Variants in AP2A2 observed in about 807,000 individuals in gnomAD.
The protein encoded by AP2A2 is adaptor related protein complex 2 subunit alpha 2.
Under a neutral mutation model 104.2 loss-of-function variants are expected in AP2A2, and 32 were observed. The observed-to-expected ratio is 0.31, with a 90% CI of 0.23 to 0.41. AP2A2 has a LOEUF of 0.41. Among genes scored for constraint, AP2A2 ranks in the 10% least tolerant of loss-of-function variants. The pLI is 1.00. For synonymous variants in AP2A2, 539 were observed against 533.3 expected, an observed-to-expected ratio of 1.01 and a Z score of -0.15; for missense variants, 912 against 1,261.0, an observed-to-expected ratio of 0.72 and a Z score of 4.19.
chr11:1,002,494 C>T (rs779520620), intron 15 of AP2A2, among the ~76,000 whole-genome samples: 59 of 152,260 alleles, frequency 3.9e-4, no homozygotes, highest in Admixed American at 2.6e-4. Context: ...AGCAGCCTGC[C>T]GGGCTGTGCA....
At chr11:978,153 G>T (rs898208829) in intron 5 of AP2A2, among the ~76,000 whole-genome samples, 10 of 152,154 alleles carry the variant, frequency 6.6e-5, no homozygotes, top group Non-Finnish European at 1.5e-4. Context: ...CAGCTATGTG[G>T]GAGCTGTGAG....
intron 18 of AP2A2, 49 bp from the exon 19 acceptor site, chr11:1,009,051 C>T: frequency 6.8e-7 from 1 of 1,480,158 alleles, no homozygotes; most frequent in Non-Finnish European, 9.3e-7. Context: ...CCCTGGGGCT[C>T]TCAGAGGAGT....
chr11:963,634 C>A (rs547619613), intron 2 of AP2A2, among the ~76,000 whole-genome samples: 1 of 152,216 alleles, frequency 6.6e-6, no homozygotes, highest in South Asian at 2.1e-4. Flanking sequence ...ATTGATTGAT[C>A]TATTGATTTA....
At chr11:946,904 A>G (rs1227084830) in intron 1 of AP2A2, 1 of 152,188 alleles carries the variant, frequency 6.6e-6, no homozygotes, top group African/African-American at 2.4e-5. Context: ...GTGGTAGGAT[A>G]CGTGAAGAAA....
chr11:982,939 C>T (rs1444243241), intron 6 of AP2A2, among the ~76,000 whole-genome samples: 1 of 151,906 alleles, frequency 6.6e-6, no homozygotes, highest in Non-Finnish European at 1.5e-5. Context: ...GTGTGAGCCC[C>T]TGCGCCTGGC....
chr11:926,120 C>A (rs1174888115), intron 1 of AP2A2, 32 bp downstream of exon 1: 3 of 1,226,856 alleles, frequency 2.4e-6, no homozygotes, highest in South Asian at 3.1e-5. Context: ...GGGCCGGGGC[C>A]GGGGCCGCCG....
chr11:987,513 G>T (rs543312446), intron 9 of AP2A2, among the ~76,000 whole-genome samples: 1 of 152,086 alleles, frequency 6.6e-6, no homozygotes, highest in Non-Finnish European at 1.5e-5. Context: ...TTAGCCGGGC[G>T]TGGTGGCGGC....
chr11:1,010,155 A>G (rs1856372037), intron 21 of AP2A2: 2 of 468,382 alleles, frequency 4.3e-6, no homozygotes, highest in Non-Finnish European at 7.7e-6. Context: ...TGGCTCTCCC[A>G]GCTGTTCCTC....
chr11:999,554 C>T (rs984364164), intron 14 of AP2A2, among the ~76,000 whole-genome samples: 2 of 152,084 alleles, frequency 1.3e-5, no homozygotes, highest in African/African-American at 2.4e-5. Flanking sequence ...GTTTTAAACT[C>T]CTGGACTCAA....
At chr11:960,878 C>T (rs560601462) in intron 2 of AP2A2, among the ~76,000 whole-genome samples, 7 of 151,954 alleles carry the variant, frequency 4.6e-5, no homozygotes, top group African/African-American at 9.6e-5. Context: ...AGGCTGGTCT[C>T]GAACTCCCAA....
At chr11:960,068 C>T (rs1160362702) in intron 2 of AP2A2, among the ~76,000 whole-genome samples, 1 of 152,172 alleles carries the variant, frequency 6.6e-6, no homozygotes, top group Admixed American at 6.5e-5. Flanking sequence ...CCTCCCTGAG[C>T]ATACCTTAGC....
intron 9 of AP2A2, among the ~76,000 whole-genome samples, chr11:987,931 G>A (rs1855518558): frequency 1.3e-5 from 2 of 152,266 alleles, no homozygotes; most frequent in South Asian, 4.1e-4. Context: ...GTGTGCAAGG[G>A]GCTCGTGGTG....
At chr11:959,065 C>T (rs935128772) in intron 1 of AP2A2, among the ~76,000 whole-genome samples, 5 of 152,232 alleles carry the variant, frequency 3.3e-5, no homozygotes, top group South Asian at 2.1e-4. Context: ...GTGTTATTAG[C>T]GGATGACGAT....
At chr11:969,220 CTTT>C (rs1190722379) in intron 2 of AP2A2, among the ~76,000 whole-genome samples, 8 of 48,110 alleles carry the variant, frequency 1.7e-4, no homozygotes, top group South Asian at 6.4e-4. Context: ...TAGAACAGCC[CTTT>C]TTTTTTTTTT....
At position 968,506 on chromosome 11, in the gene AP2A2, C is replaced by T. The variant is rs561736194; in HGVS notation, c.137-1663C>T. On this transcript the variant is annotated intron_variant, in intron 2 of 21. Transcript: ENST00000448903. This position sits in a 1 kb window ranked among gnomAD's most constrained non-coding sequence, Gnocchi z 4.2. Reference sequence around the variant, plus strand: ...GCCCAGTCGGGCCGCTGGTCCTCTCCCCTGTCAGTTATTTTTTCCTTTGAG... The same window carrying T: ...GCCCAGTCGGGCCGCTGGTCCTCTCTCCTGTCAGTTATTTTTTCCTTTGAG... Among the ~76,000 whole-genome samples, 1 of 152,314 alleles carries T rather than the reference C, an allele frequency of 6.6e-6. No individual in the cohort carries two copies. The highest frequency in any genetic ancestry group is 1.9e-4 in the East Asian group (1 of 5,166).
At chr11:983,214 T>C (rs1366991933) in intron 6 of AP2A2, among the ~76,000 whole-genome samples, 2 of 150,872 alleles carry the variant, frequency 1.3e-5, no homozygotes, top group Admixed American at 1.3e-4. Context: ...GAGATGGGGT[T>C]TCACCACAAT....
chr11:937,877 T>G (rs893905439), intron 1 of AP2A2, among the ~76,000 whole-genome samples: 2 of 152,000 alleles, frequency 1.3e-5, no homozygotes, highest in Non-Finnish European at 2.9e-5. Context: ...CGTGGAGAGG[T>G]TGTCAGTTAG....
At position 1,010,592 on chromosome 11, in the gene AP2A2, G is replaced by T; in HGVS notation, c.2787G>T (p.Gln929His). The T allele has an allele frequency of 6.3e-7, 1 of 1,598,736 alleles. No homozygotes were observed. Among genetic ancestry groups the T allele is most frequent in the Non-Finnish European group, 8.5e-7 (1 of 1,172,840 alleles). The change falls in exon 22 of 22, where the codon CAG becomes CAT. Residue 929 changes from glutamine to histidine, a missense_variant. Physicochemically the swap from Gln to His is conservative, Grantham distance 24. Around this residue, in one of 7 missense-constraint regions of AP2A2, gnomAD observed 239 missense variants for 329.8 expected, o/e 0.72. Coordinates refer to ENST00000448903, the MANE Select transcript of AP2A2 (RefSeq NM_012305.4). ...TLRTSKEAVS[Q>H]RLCELLSAQF ...GCACAAGTAAGGAAGCCGTTTCTCAGAGATTATGTGAATTGCTCTCAGCGC... is the reference window on the plus strand; with the variant it reads ...GCACAAGTAAGGAAGCCGTTTCTCATAGATTATGTGAATTGCTCTCAGCGC...
Position 992,071 on chromosome 11 carries a change from C to T in AP2A2, c.1270-432C>T, listed in dbSNP as rs921966991. Among the ~76,000 whole-genome samples the T allele has an allele frequency of 6.6e-5, 10 of 152,268 alleles. No homozygotes were observed. The highest frequency in any genetic ancestry group is 2.4e-4 in the African/African-American group (10 of 41,544). On this transcript the variant is annotated intron_variant, in intron 10 of 21. Transcript: ENST00000448903. The surrounding 1 kb of genome is among the most constrained non-coding windows in gnomAD (Gnocchi z 6.4). ...AAGACTGGCCAGAGCCGGAAGAAACCAGCAGAGAAGTGGCCGCCGGGAGCC... is the reference window on the plus strand; with the variant it reads ...AAGACTGGCCAGAGCCGGAAGAAACTAGCAGAGAAGTGGCCGCCGGGAGCC...
Sources: gnomAD v4.1 joint callset for allele counts (sites outside exome capture counted in the v4.1 genomes callset) on GRCh38, gnomAD v4.1.1 for gene constraint, gnomAD v4.1.1 regional missense constraint, Gnocchi (gnomAD v3.1) non-coding constraint, MANE v1.5 for transcripts, NCBI Gene and HGNC (gene_info 2026-07-23, HGNC 2026-07-21) for gene names.